The following PAX2 variants were observed in gnomAD, a reference collection of about 807,000 sequenced individuals.
The protein encoded by PAX2 is paired box 2.
In PAX2, 9 loss-of-function variants were observed where a neutral mutation model predicts 41.7. That is an observed-to-expected ratio of 0.22 (90% CI 0.13 to 0.38). PAX2 has a LOEUF of 0.38. Among genes scored for constraint, PAX2 ranks in the 10% least tolerant of loss-of-function variants. The probability of loss-of-function intolerance (pLI) is 1.00; values close to 1 mark genes in which losing one functional copy is unlikely to be tolerated. For synonymous variants in PAX2, 221 were observed against 212.7 expected (o/e 1.04, Z -0.34); for missense variants, 418 against 531.6 (o/e 0.79, Z 2.10).
At chr10:100,820,499 A>G (rs1848342740) in intron 7 of PAX2, among the ~76,000 whole-genome samples, 1 of 152,140 alleles carries the variant, frequency 6.6e-6, no homozygotes, top group South Asian at 2.1e-4. Context: ...CAGGCAGATC[A>G]CTTGAGGTCA....
chr10:100,805,001 CT>C (rs1847712848), intron 5 of PAX2, among the ~76,000 whole-genome samples: 1 of 64,294 alleles, frequency 1.6e-5, no homozygotes, highest in Non-Finnish European at 3.0e-5. Flanking sequence ...CTCTCTCCTT[CT>C]CTCTCTCTCT....
At position 100,757,007 on chromosome 10, in the gene PAX2, G is replaced by A. The variant is rs145859617; in HGVS notation, c.410+6116G>A. 5.5e-3 allele frequency among the ~76,000 whole-genome samples: 840 copies of A among 152,354 alleles called. 8 individuals are homozygous for A. Among genetic ancestry groups the A allele is most frequent in the African/African-American group, 0.018 (763 of 41,570 alleles). Reference sequence around the variant, plus strand: ...TTAGACAGCTGAAACATTAAATCACGTTTGGTTTTTCTATCTACCACTGAA... The same window carrying A: ...TTAGACAGCTGAAACATTAAATCACATTTGGTTTTTCTATCTACCACTGAA... On this transcript the variant is annotated intron_variant, in intron 3 of 9. Coordinates refer to ENST00000355243, the MANE Select transcript of PAX2 (RefSeq NM_000278.5).
intron 5 of PAX2, among the ~76,000 whole-genome samples, chr10:100,802,006 G>A (rs1390936309): frequency 1.3e-5 from 2 of 152,232 alleles, no homozygotes; most frequent in Non-Finnish European, 2.9e-5. Context: ...AACAGCAATG[G>A]CATGTAATGA....
rs753846775 is a variant in PAX2 at position 100,827,114 on chromosome 10, T to C, written c.1108+19T>C. 1 of 1,598,308 alleles carries C rather than the reference T, an allele frequency of 6.3e-7. No homozygotes were observed. Among genetic ancestry groups the C allele is most frequent in the East Asian group, 2.2e-5 (1 of 44,768 alleles). ...TTACTAAGTGAGTACGCCACCTGGCTGGCCGGCGGCTCAGCGCGGCCGCGC... is the reference window on the plus strand; with the variant it reads ...TTACTAAGTGAGTACGCCACCTGGCCGGCCGGCGGCTCAGCGCGGCCGCGC... On this transcript the variant is annotated intron_variant, in intron 9 of 9. Transcript: ENST00000355243. This position sits in a 1 kb window ranked among gnomAD's most constrained non-coding sequence, Gnocchi z 8.5.
Position 100,750,070 on chromosome 10 carries a change from T to C in PAX2, c.212+156T>C, listed in dbSNP as rs997663533. 6.6e-6 allele frequency among the ~76,000 whole-genome samples: 1 copy of C among 152,122 alleles called. No individual in the cohort carries two copies. Among genetic ancestry groups the C allele is most frequent in the African/African-American group, 2.4e-5 (1 of 41,420 alleles). On this transcript the variant is annotated intron_variant, in intron 2 of 9. Coordinates refer to ENST00000355243, the MANE Select transcript of PAX2 (RefSeq NM_000278.5). This position sits in a 1 kb window ranked among gnomAD's most constrained non-coding sequence, Gnocchi z 4.1. ...AGAGGTGCTCCTTTTGGAGAGAGTG[T>C]TCAGATGGTGGCTGAAGACCCAGGA...
intron 3 of PAX2, among the ~76,000 whole-genome samples, chr10:100,778,396 T>G (rs1254351179): frequency 2.6e-5 from 4 of 152,232 alleles, no homozygotes; most frequent in Non-Finnish European, 5.9e-5. Context: ...TGAGCTTTTT[T>G]GGGGATTAAG....
At chr10:100,788,532 T>C (rs1474939365) in intron 5 of PAX2, among the ~76,000 whole-genome samples, 2 of 152,112 alleles carry the variant, frequency 1.3e-5, no homozygotes, top group East Asian at 3.9e-4. Context: ...GGGTGAGCGC[T>C]CCTTGGTGGG....
chr10:100,824,926 C>G lies in PAX2; in HGVS notation c.1021+177C>G. The G allele has an allele frequency of 6.2e-7, 1 of 1,614,116 alleles. No individual in the cohort carries two copies. Among genetic ancestry groups the G allele is most frequent in the Non-Finnish European group, 8.5e-7 (1 of 1,179,974 alleles). ...GAGGCTGCAGTTGGTCCCTCATCCT[C>G]CCTCATGAGCAAGCCGGGGAGGAAG... On this transcript the variant is annotated intron_variant, in intron 8 of 9. Coordinates refer to ENST00000355243, the MANE Select transcript of PAX2 (RefSeq NM_000278.5). The surrounding 1 kb of genome is among the most constrained non-coding windows in gnomAD (Gnocchi z 6.6).
intron 7 of PAX2, among the ~76,000 whole-genome samples, chr10:100,814,351 CA>C (rs11458573): frequency 5.0e-4 from 27 of 53,718 alleles, no homozygotes; most frequent in African/African-American, 1.7e-3. Flanking sequence ...GACTCCATCT[CA>C]AAAAAAAAAA....
At chr10:100,743,054 C>T (rs1845026652), upstream of PAX2, among the ~76,000 whole-genome samples, 1 of 151,648 alleles carries the variant, frequency 6.6e-6, no homozygotes. Context: ...GGGAGCATTA[C>T]TCTTTGACTC....
At chr10:100,781,210 C>T in intron 4 of PAX2, 36 bp from the exon 5 acceptor site, 1 of 1,612,728 alleles carries the variant, frequency 6.2e-7, no homozygotes, top group East Asian at 2.2e-5. Flanking sequence ...TGCTAAACTG[C>T]TATCCTGATG....
Position 100,828,831 on chromosome 10 carries a change from A to G in PAX2, c.*1212A>G, listed in dbSNP as rs1293675440. 1 of 232,340 alleles carries G rather than the reference A, an allele frequency of 4.3e-6. No homozygotes were observed. Among genetic ancestry groups the G allele is most frequent in the Non-Finnish European group, 8.5e-6 (1 of 117,210 alleles). 14.4% of individuals were successfully genotyped at this position (232,340 alleles called of 1,614,324 possible). A position where few individuals can be genotyped will look rare whatever the true frequency, so the allele number is the denominator to read the frequency against. On this transcript the variant is annotated 3_prime_UTR_variant, in exon 10 of 10. Coordinates refer to ENST00000355243, the MANE Select transcript of PAX2 (RefSeq NM_000278.5). The surrounding 1 kb of genome is among the most constrained non-coding windows in gnomAD (Gnocchi z 6.5). Reference sequence around the variant, plus strand: ...TGGTCTTTGCAAAAAGGAACAAAACAACACAAAAGCCCACCAGGCTGCTGC... The same window carrying G: ...TGGTCTTTGCAAAAAGGAACAAAACGACACAAAAGCCCACCAGGCTGCTGC...
At chr10:100,810,534 G>A (rs866050212) in intron 7 of PAX2, among the ~76,000 whole-genome samples, 1 of 152,234 alleles carries the variant, frequency 6.6e-6, no homozygotes, top group Non-Finnish European at 1.5e-5. Flanking sequence ...CCCTCAGCAT[G>A]AGCCATCCTT....
At chr10:100,789,259 C>T (rs1434875338) in intron 5 of PAX2, among the ~76,000 whole-genome samples, 1 of 152,214 alleles carries the variant, frequency 6.6e-6, no homozygotes, top group Non-Finnish European at 1.5e-5. Context: ...GCACCTGCCA[C>T]CATACCTGGC....
chr10:100,754,320 C>T (rs1347816088), intron 3 of PAX2, among the ~76,000 whole-genome samples: 1 of 152,192 alleles, frequency 6.6e-6, no homozygotes, highest in Non-Finnish European at 1.5e-5. Context: ...TACTGACAAT[C>T]CCCCGAGGGT....
At chr10:100,807,310 G>C (rs1056616091) in intron 6 of PAX2, among the ~76,000 whole-genome samples, 7 of 151,604 alleles carry the variant, frequency 4.6e-5, no homozygotes, top group African/African-American at 1.7e-4. Context: ...ACAGCCCATG[G>C]TACTGTGCTC....
At chr10:100,825,920 G>T (rs1182906750) in intron 8 of PAX2, among the ~76,000 whole-genome samples, 1 of 151,794 alleles carries the variant, frequency 6.6e-6, no homozygotes, top group Non-Finnish European at 1.5e-5. Flanking sequence ...GCAGGTGGGG[G>T]CTGGAGGAGG....
chr10:100,749,775 G>C lies in PAX2; in HGVS notation c.73G>C (p.Gly25Arg). ...GCACGGGGGTGTGAACCAGCTCGGG[G>C]GGGTGTTTGTGAACGGCCGGCCCCT... ...PGHGGVNQLGGVFVNGRPLPD... is the reference protein window; with the variant it reads ...PGHGGVNQLGRVFVNGRPLPD... Residue 25 changes from glycine to arginine, a missense_variant, in exon 2 of 10, where the codon GGG becomes CGG. Gly to Arg is a moderately radical substitution (Grantham distance 125). Coordinates refer to ENST00000355243, the MANE Select transcript of PAX2 (RefSeq NM_000278.5). 1 of 1,612,050 alleles carries C rather than the reference G, an allele frequency of 6.2e-7. No homozygotes were observed. The highest frequency in any genetic ancestry group is 8.5e-7 in the Non-Finnish European group (1 of 1,178,896).
intron 5 of PAX2, among the ~76,000 whole-genome samples, chr10:100,792,281 G>A (rs1847152552): frequency 1.3e-5 from 2 of 152,248 alleles, no homozygotes; most frequent in African/African-American, 2.4e-5. Flanking sequence ...GTTCGTGCGT[G>A]TGTGCACTAA....
Sources: gnomAD v4.1 joint callset for allele counts (sites outside exome capture counted in the v4.1 genomes callset) on GRCh38, gnomAD v4.1.1 for gene constraint, Gnocchi (gnomAD v3.1) non-coding constraint, MANE v1.5 for transcripts, NCBI Gene and HGNC (gene_info 2026-07-23, HGNC 2026-07-21) for gene names.